ICA1: variants seen among roughly 807,000 people sequenced by gnomAD.
ICA1 encodes the protein islet cell autoantigen 1, also known as 69 kDa islet cell autoantigen.
ICA1 carries 40 observed loss-of-function variants against 71.0 expected under a neutral mutation model. The observed-to-expected ratio is 0.56, with a 90% CI of 0.44 to 0.73. ICA1 has a LOEUF of 0.73. Ranked by LOEUF, ICA1 falls within the 30% of genes least tolerant of loss-of-function variation. ICA1 has a pLI of 0.00. For missense variants in ICA1, 578 were observed against 576.5 expected (o/e 1.00, Z -0.03); for synonymous variants, 207 against 209.5 (o/e 0.99, Z 0.10).
intron 1 of ICA1, among the ~76,000 whole-genome samples, chr7:8,255,597 C>G (rs1809816001): frequency 6.6e-6 from 1 of 152,182 alleles, no homozygotes; most frequent in South Asian, 2.1e-4. Context: ...ACCAGATCCA[C>G]ATTTCCACCT....
intron 2 of ICA1, among the ~76,000 whole-genome samples, chr7:8,233,264 G>C (rs1800824021): frequency 1.3e-5 from 2 of 152,204 alleles, no homozygotes; most frequent in African/African-American, 4.8e-5. Flanking sequence ...GCAGAGAGTA[G>C]AATGGCAGTT....
intron 8 of ICA1, 151 bp downstream of exon 8, chr7:8,156,965 A>C (rs1801811305): frequency 1.3e-6 from 2 of 1,532,240 alleles, no homozygotes; most frequent in African/African-American, 2.8e-5. Context: ...GAAAGAAAGA[A>C]AGAAAGAAAA....
chr7:8,180,807 T>C (rs570022256), intron 6 of ICA1, among the ~76,000 whole-genome samples: 1 of 152,162 alleles, frequency 6.6e-6, no homozygotes, highest in Admixed American at 6.6e-5. Flanking sequence ...TTTGTCCATT[T>C]TTTCACGAGG....
At chr7:8,203,273 T>C (rs984392328) in intron 6 of ICA1, among the ~76,000 whole-genome samples, 1 of 152,168 alleles carries the variant, frequency 6.6e-6, no homozygotes, top group African/African-American at 2.4e-5. Context: ...CTTAATATAG[T>C]AGAGTTCCTG....
intron 6 of ICA1, among the ~76,000 whole-genome samples, chr7:8,178,953 T>C (rs1781397834): frequency 6.6e-6 from 1 of 152,188 alleles, no homozygotes; most frequent in Admixed American, 6.5e-5. Flanking sequence ...TTTTTCAGAC[T>C]CCTCTGAAAA....
intron 6 of ICA1, among the ~76,000 whole-genome samples, chr7:8,161,845 T>C (rs1239135096): frequency 6.6e-6 from 1 of 152,204 alleles, no homozygotes; most frequent in Non-Finnish European, 1.5e-5. Context: ...CAATGAGAAA[T>C]GCTTATTGTT....
chr7:8,114,751 CA>C (rs1487243397), intron 13 of ICA1: 1 of 152,242 alleles, frequency 6.6e-6, no homozygotes, highest in East Asian at 1.9e-4. Flanking sequence ...AGAACATTTT[CA>C]AAAGAGTGCC....
Position 8,144,005 on chromosome 7 carries a change from A to G in ICA1, c.805-33T>C, listed in dbSNP as rs780073188. 11 of 1,191,724 alleles carry G rather than the reference A, an allele frequency of 9.2e-6. No individual in the cohort carries two copies. Among genetic ancestry groups the G allele is most frequent in the Non-Finnish European group, 1.3e-5 (11 of 820,304 alleles). 73.8% of individuals were successfully genotyped at this position (1,191,724 alleles called of 1,614,324 possible). On this transcript the variant is annotated intron_variant, in intron 8 of 13. Transcript: ENST00000402384. The surrounding 1 kb of genome is among the most constrained non-coding windows in gnomAD (Gnocchi z 4.5). Reference sequence around the variant, plus strand: ...ACGAGCCATAGAAAAATGAAAAAGAAAAAAAAAGAAGAAGAAATAGAGACA... The same window carrying G: ...ACGAGCCATAGAAAAATGAAAAAGAGAAAAAAAGAAGAAGAAATAGAGACA...
At chr7:8,142,666 T>A (rs958496721) in intron 9 of ICA1, among the ~76,000 whole-genome samples, 10 of 152,216 alleles carry the variant, frequency 6.6e-5, no homozygotes, top group African/African-American at 2.2e-4. Flanking sequence ...CTTCCATCTT[T>A]TACATGACAA....
intron 6 of ICA1, among the ~76,000 whole-genome samples, chr7:8,161,213 T>C (rs970785486): frequency 6.6e-6 from 1 of 152,218 alleles, no homozygotes; most frequent in African/African-American, 2.4e-5. Context: ...AGTCAATAAA[T>C]ATTTATAAAT....
At chr7:8,192,794 T>C (rs1786137509) in intron 6 of ICA1, among the ~76,000 whole-genome samples, 1 of 152,222 alleles carries the variant, frequency 6.6e-6, no homozygotes, top group Non-Finnish European at 1.5e-5. Context: ...TTCAATAGTA[T>C]TACACTTACT....
chr7:8,204,185 A>C (rs1790706303), intron 6 of ICA1, among the ~76,000 whole-genome samples: 1 of 152,214 alleles, frequency 6.6e-6, no homozygotes, highest in Admixed American at 6.5e-5. Context: ...CTTGAACAGG[A>C]AGCCAGGTCT....
rs995214427 is a variant in ICA1, at chr7:8,226,570, T to C, written c.256+2031A>G. The stretch of plus-strand genomic sequence containing the variant: ...CACAGATTTTCCTCATTTTTGTGTC[T>C]TTGACAGCTACATAGCAACATCCTC... On this transcript the variant is annotated intron_variant, in intron 4 of 13. Transcript: ENST00000402384. This position sits in a 1 kb window ranked among gnomAD's most constrained non-coding sequence, Gnocchi z 4.4. Among the ~76,000 whole-genome samples, 1 of 152,190 alleles carries C rather than the reference T, an allele frequency of 6.6e-6. No homozygotes were observed. The highest frequency in any genetic ancestry group is 1.5e-5 in the Non-Finnish European group (1 of 68,026).
At chr7:8,141,621 C>T (rs1001608784) in intron 10 of ICA1, 144 bp downstream of exon 10, 23 of 578,372 alleles carry the variant, frequency 4.0e-5, no homozygotes, top group Non-Finnish European at 6.3e-5. Flanking sequence ...ACATTTAGAA[C>T]TGAGTCTACA....
chr7:8,125,599 G>A (rs1315717574), intron 13 of ICA1, among the ~76,000 whole-genome samples: 1 of 152,122 alleles, frequency 6.6e-6, no homozygotes, highest in Non-Finnish European at 1.5e-5. Context: ...AGCCTACTAT[G>A]CGATTTGCTT....
At chr7:8,248,392 T>A (rs1286381952) in intron 1 of ICA1, among the ~76,000 whole-genome samples, 1 of 152,212 alleles carries the variant, frequency 6.6e-6, no homozygotes, top group African/African-American at 2.4e-5. Flanking sequence ...TCTTCAGTTC[T>A]TTGGGAAGTA....
chr7:8,146,884 A>ACG (rs1324283450), intron 8 of ICA1, among the ~76,000 whole-genome samples: 3 of 113,658 alleles, frequency 2.6e-5, no homozygotes, highest in Non-Finnish European at 3.9e-5. Flanking sequence ...ACACACACGC[A>ACG]CACACACACA....
chr7:8,117,016 A>T (rs772403115), intron 13 of ICA1, among the ~76,000 whole-genome samples: 5 of 152,218 alleles, frequency 3.3e-5, no homozygotes, highest in Admixed American at 2.6e-4. Context: ...TAACTGAATC[A>T]TGGGGATGGT....
At position 8,205,006 on chromosome 7, in the gene ICA1, G is replaced by A. The variant is rs540228814; in HGVS notation, c.579+13299C>T. Among the ~76,000 whole-genome samples the A allele has an allele frequency of 4.8e-5, 7 of 144,340 alleles. No homozygotes were observed. In the East Asian group the frequency reaches 1.1e-3, roughly 22 times the overall value. 94.7% of individuals were successfully genotyped at this position (144,340 alleles called of 152,430 possible). A position where few individuals can be genotyped will look rare whatever the true frequency, so the allele number is the denominator to read the frequency against. On this transcript the variant is annotated intron_variant, in intron 6 of 13. Transcript: ENST00000402384. ...ATAAGGAAGAGGGAGTCTAACTTAC[G>A]AAATCTAACCATTGTCTGGTTTCAC...
Sources: gnomAD v4.1 joint callset for allele counts (sites outside exome capture counted in the v4.1 genomes callset) on GRCh38, gnomAD v4.1.1 for gene constraint, Gnocchi (gnomAD v3.1) non-coding constraint, MANE v1.5 for transcripts, NCBI Gene and HGNC (gene_info 2026-07-23, HGNC 2026-07-21) for gene names.